Variants in EFCAB5 observed in about 807,000 individuals in gnomAD.
EFCAB5 encodes EF-hand calcium-binding domain-containing protein 5.
EFCAB5 carries 131 observed loss-of-function variants against 167.9 expected under a neutral mutation model. The ratio of observed to expected loss-of-function variants is 0.78; its 90% CI spans 0.68 to 0.90. The LOEUF (loss-of-function observed/expected upper bound fraction) is 0.90, where lower values mean the gene tolerates loss of function less well. Ranked by LOEUF, EFCAB5 falls within the 40% of genes least tolerant of loss-of-function variation. The probability of loss-of-function intolerance (pLI) is 0.00; values close to 1 mark genes in which losing one functional copy is unlikely to be tolerated. For synonymous variants in EFCAB5, 574 were observed against 602.8 expected (o/e 0.95, Z 0.70); for missense variants, 1,663 against 1,745.2 (o/e 0.95, Z 0.84).
chr17:29,996,175 T>G (rs2068539287), intron 5 of EFCAB5, 137 bp from the exon 6 acceptor site: 2 of 645,122 alleles, frequency 3.1e-6, no homozygotes, highest in Non-Finnish European at 5.3e-6. Context: ...TTATTACTAT[T>G]TCTGTCCTTG....
intron 8 of EFCAB5, among the ~76,000 whole-genome samples, chr17:30,036,988 C>T (rs1567730845): frequency 6.6e-6 from 1 of 152,064 alleles, no homozygotes; most frequent in Non-Finnish European, 1.5e-5. Context: ...TTCCTGAGCT[C>T]CAATCATGGT....
At chr17:29,980,958 G>C (rs2068161570) in intron 4 of EFCAB5, among the ~76,000 whole-genome samples, 1 of 152,110 alleles carries the variant, frequency 6.6e-6, no homozygotes, top group Non-Finnish European at 1.5e-5. Context: ...TTAAGTCCTG[G>C]TGATTTCACC....
chr17:30,020,960 A>G (rs2069164476), intron 7 of EFCAB5, among the ~76,000 whole-genome samples: 2 of 56,420 alleles, frequency 3.5e-5, no homozygotes, highest in Non-Finnish European at 6.7e-5. Context: ...ATGTCAGAGG[A>G]GGAACATTAA....
intron 14 of EFCAB5, among the ~76,000 whole-genome samples, chr17:30,071,902 A>G (rs2070745847): frequency 1.3e-5 from 2 of 152,238 alleles, no homozygotes; most frequent in Non-Finnish European, 2.9e-5. Context: ...CACAAAAAAG[A>G]TAAATATTAC....
chr17:30,012,764 G>A (rs1263901937), intron 7 of EFCAB5, among the ~76,000 whole-genome samples: 6 of 152,124 alleles, frequency 3.9e-5, no homozygotes, highest in Non-Finnish European at 8.8e-5. Context: ...CGCCGACCCT[G>A]TGGGACTGGT....
In EFCAB5 at chr17:30,050,412, GGCGTGAGCCACC is replaced by G. The variant is rs1160725604; in HGVS notation, c.1201-702_1201-691del. Among the ~76,000 whole-genome samples, 5 of 152,262 alleles carry G rather than the reference GGCGTGAGCCACC, an allele frequency of 3.3e-5. No individual in the cohort carries two copies. In the South Asian group the frequency reaches 1.0e-3, roughly 32 times the overall value. ...GGCCTCCCAAAGTGCTGGGATTACA[GGCGTGAGCCACC>G]GCGCCTGGCCTATATCAGGTTTTTT... On this transcript the variant is annotated intron_variant, in intron 8 of 22. Coordinates refer to ENST00000394835, the MANE Select transcript of EFCAB5 (RefSeq NM_198529.4).
chr17:30,097,118 G>A lies in EFCAB5; in HGVS notation c.4321+4182G>A, dbSNP rs1007700745. ...GTTGCCCAGGCTGAAGTGCAGTGGC[G>A]CGATCTCGGCTCACCGCAACCTCTG... On this transcript the variant is annotated intron_variant, in intron 22 of 22. Transcript: ENST00000394835. Among the ~76,000 whole-genome samples, 10 of 145,520 alleles carry A rather than the reference G, an allele frequency of 6.9e-5. No homozygotes were observed. The East Asian group carries it at 8.2e-4, about 12-fold the overall frequency.
At chr17:29,963,591 AT>A (rs1166708220) in intron 3 of EFCAB5, among the ~76,000 whole-genome samples, 1 of 152,152 alleles carries the variant, frequency 6.6e-6, no homozygotes, top group Non-Finnish European at 1.5e-5. Context: ...CACCTCTTCA[AT>A]TTTTTACAAG....
intron 3 of EFCAB5, 87 bp from the exon 4 acceptor site, chr17:29,968,703 TA>T: frequency 2.7e-6 from 3 of 1,113,194 alleles, no homozygotes; most frequent in Non-Finnish European, 3.7e-6. Context: ...TAAATGGATA[TA>T]AAAATTTTTT....
chr17:30,084,394 G>A (rs1351413129), intron 18 of EFCAB5, among the ~76,000 whole-genome samples: 5 of 152,134 alleles, frequency 3.3e-5, no homozygotes, highest in African/African-American at 1.2e-4. Flanking sequence ...CAACACATAG[G>A]GCACCATGGA....
At chr17:29,978,922 C>T (rs1253912643) in intron 4 of EFCAB5, among the ~76,000 whole-genome samples, 1 of 152,168 alleles carries the variant, frequency 6.6e-6, no homozygotes, top group Non-Finnish European at 1.5e-5. Flanking sequence ...CTTTCACCAT[C>T]GAAACATGCT....
rs777064410 is a variant in EFCAB5, at chr17:30,080,045, C to G, written c.3028-27C>G. On this transcript the variant is annotated intron_variant, in intron 15 of 22. Coordinates refer to ENST00000394835, the MANE Select transcript of EFCAB5 (RefSeq NM_198529.4). Reference sequence around the variant, plus strand: ...GGGGAGTTCTTTGGCTGTTGGCAAACACATGGTCGGAAACGTTTTGCTGTA... The same window carrying G: ...GGGGAGTTCTTTGGCTGTTGGCAAAGACATGGTCGGAAACGTTTTGCTGTA... 5.1e-6 allele frequency: 8 copies of G among 1,582,258 alleles called. No individual in the cohort carries two copies. The South Asian group carries it at 7.1e-5, about 14-fold the overall frequency.
chr17:30,033,577 T>C (rs989360636), intron 7 of EFCAB5, among the ~76,000 whole-genome samples: 3 of 152,200 alleles, frequency 2.0e-5, no homozygotes, highest in Non-Finnish European at 4.4e-5. Context: ...GCATTAGTCA[T>C]AGGAGTGCAA....
chr17:30,002,638 A>AC (rs1280094152), intron 7 of EFCAB5, among the ~76,000 whole-genome samples: 1 of 152,138 alleles, frequency 6.6e-6, no homozygotes, highest in African/African-American at 2.4e-5. Context: ...TGTTGTATTT[A>AC]CCTGTGTTTT....
At chr17:30,084,406 A>C (rs1597551088) in intron 18 of EFCAB5, among the ~76,000 whole-genome samples, 2 of 152,324 alleles carry the variant, frequency 1.3e-5, no homozygotes, top group Non-Finnish European at 2.9e-5. Flanking sequence ...CACCATGGAA[A>C]AGCCAAAATA....
At chr17:30,107,685 T>A in intron 22 of EFCAB5, 149 bp from the exon 23 acceptor site, 1 of 615,180 alleles carries the variant, frequency 1.6e-6, no homozygotes, top group Non-Finnish European at 2.5e-6. Context: ...TTTATCCATA[T>A]TCCTGTAATT....
At chr17:30,098,280 T>C (rs1399751756) in intron 22 of EFCAB5, among the ~76,000 whole-genome samples, 3 of 150,764 alleles carry the variant, frequency 2.0e-5, no homozygotes, top group Non-Finnish European at 4.4e-5. Context: ...ATCCCAGCAC[T>C]TTGGGAGGCT....
In EFCAB5 at chr17:30,025,009, C is replaced by T; in HGVS notation, c.1045-9221C>T. Among the ~76,000 whole-genome samples the T allele has an allele frequency of 1.3e-5, 2 of 151,928 alleles. 1 individual carries two copies. On this transcript the variant is annotated intron_variant, in intron 7 of 22. Coordinates refer to ENST00000394835, the MANE Select transcript of EFCAB5 (RefSeq NM_198529.4). ...TAGAAAGCTGAAACTGGATCCCTTC[C>T]TTACACCTTATACAAAAATTAATTC...
At chr17:30,097,874 G>A (rs1379017170) in intron 22 of EFCAB5, among the ~76,000 whole-genome samples, 3 of 151,946 alleles carry the variant, frequency 2.0e-5, no homozygotes, top group Non-Finnish European at 2.9e-5. Context: ...TAATTTATTA[G>A]TTCTAATTTA....
Sources: allele counts gnomAD v4.1 joint callset (sites outside exome capture counted in the v4.1 genomes callset), GRCh38; gene constraint gnomAD v4.1.1; transcripts MANE v1.5; gene names NCBI Gene and HGNC (gene_info 2026-07-23, HGNC 2026-07-21).